The following ECPAS variants were observed in gnomAD, a reference collection of about 807,000 sequenced individuals.
ECPAS encodes the protein proteasome adapter and scaffold protein ECM29.
A neutral mutation model predicts 255.1 loss-of-function variants in ECPAS; 70 were observed. The ratio of observed to expected loss-of-function variants is 0.27; its 90% confidence interval spans 0.23 to 0.33. The LOEUF (loss-of-function observed/expected upper bound fraction) is 0.33, where lower values mean the gene tolerates loss of function less well. Ranked by LOEUF, ECPAS falls within the 10% of genes least tolerant of loss-of-function variation. ECPAS has a pLI of 1.00. For synonymous variants in ECPAS, 784 were observed against 775.0 expected (o/e 1.01, Z -0.19); for missense variants, 1,817 against 2,206.4 (o/e 0.82, Z 3.54).
intron 15 of ECPAS, among the ~76,000 whole-genome samples, chr9:111,420,917 T>C (rs2098212564): frequency 6.6e-6 from 1 of 152,214 alleles, no homozygotes; most frequent in Non-Finnish European, 1.5e-5. Flanking sequence ...GCTTTAAATG[T>C]TGTCTGTGAA....
At chr9:111,373,475 C>A in intron 39 of ECPAS, 69 bp from the exon 40 acceptor site, 1 of 1,248,898 alleles carries the variant, frequency 8.0e-7, no homozygotes, top group South Asian at 1.3e-5. Context: ...TCCCAGAACC[C>A]AAACAAACCT....
At chr9:111,421,331 C>G (rs2098213336) in intron 15 of ECPAS, among the ~76,000 whole-genome samples, 1 of 151,918 alleles carries the variant, frequency 6.6e-6, no homozygotes, top group South Asian at 2.1e-4. Flanking sequence ...ATCATTCTGT[C>G]TTCCAATCTC....
intron 1 of ECPAS, among the ~76,000 whole-genome samples, chr9:111,482,812 G>A (rs1239895696): frequency 2.6e-5 from 4 of 151,872 alleles, no homozygotes. Flanking sequence ...AAGCATTGAG[G>A]CGAACCCCGG....
chr9:111,455,921 C>T (rs2098266390), intron 2 of ECPAS, among the ~76,000 whole-genome samples: 1 of 152,174 alleles, frequency 6.6e-6, no homozygotes, highest in African/African-American at 2.4e-5. Flanking sequence ...GCTGGGAGTA[C>T]AAATATATGC....
chr9:111,395,868 T>C (rs1471177541), intron 25 of ECPAS, among the ~76,000 whole-genome samples: 2 of 152,208 alleles, frequency 1.3e-5, no homozygotes, highest in Non-Finnish European at 2.9e-5. Context: ...GCTCCTTGCC[T>C]TGCTTCATGT....
chr9:111,411,930 T>C, intron 21 of ECPAS, 84 bp downstream of exon 21: 1 of 1,228,590 alleles, frequency 8.1e-7, no homozygotes, highest in Non-Finnish European at 1.1e-6. Context: ...ATTTTACAAA[T>C]GAGAACATAA....
chr9:111,371,598 CTGGGTATGAA>C lies in ECPAS; in HGVS notation c.4737+13_4737+22del, dbSNP rs1414068385. 6.3e-7 allele frequency: 1 copy of C among 1,593,190 alleles called. No homozygotes were observed. The highest frequency in any genetic ancestry group is 1.7e-5 in the Admixed American group (1 of 59,668). ...AAAGATGAAGTCAGAATCCCTTTAA[CTGGGTATGAA>C]TGGTTCCTTTACCTTTCCTGCCCAC... On this transcript the variant is annotated intron_variant, in intron 43 of 49. Transcript: ENST00000684092.
Position 111,383,213 on chromosome 9 carries a change from G to C in ECPAS, c.3801C>G (p.Leu1267=). 1 of 1,613,774 alleles carries C rather than the reference G, an allele frequency of 6.2e-7. No homozygotes were observed. Among genetic ancestry groups the C allele is most frequent in the Non-Finnish European group, 8.5e-7 (1 of 1,179,792 alleles). Residue 1267 remains leucine (L), a splice_region_variant and synonymous_variant, in exon 35 of 50, where the codon CTC becomes CTG. Transcript: ENST00000684092. ...TCATTTCATCAACGGATGCACACCT[G>C]AGGGCTCGAACTTCCGTCACGGTGC... ...MMSTVTEVRA[L]SINTLVKISK...
intron 1 of ECPAS, among the ~76,000 whole-genome samples, chr9:111,482,350 A>T (rs905881144): frequency 2.6e-5 from 4 of 152,220 alleles, no homozygotes; most frequent in African/African-American, 9.6e-5. Flanking sequence ...CAAGGAACTT[A>T]ATCTCTCCAA....
chr9:111,424,890 C>G (rs1046645674), intron 12 of ECPAS, among the ~76,000 whole-genome samples: 2 of 152,148 alleles, frequency 1.3e-5, no homozygotes, highest in African/African-American at 4.8e-5. Flanking sequence ...ATACAGCAGG[C>G]TGGGCATGGT....
At chr9:111,399,353 A>G (rs927185734) in intron 24 of ECPAS, among the ~76,000 whole-genome samples, 7 of 152,218 alleles carry the variant, frequency 4.6e-5, no homozygotes, top group African/African-American at 1.4e-4. Context: ...CTGACTGAAT[A>G]GAGTGGGAAG....
intron 2 of ECPAS, among the ~76,000 whole-genome samples, chr9:111,460,989 TACTA>T (rs1327832469): frequency 5.3e-5 from 8 of 151,622 alleles, no homozygotes; most frequent in Admixed American, 3.3e-4. Flanking sequence ...CACAGGAAGA[TACTA>T]ACTATCTCAA....
intron 46 of ECPAS, 99 bp from the exon 47 acceptor site, chr9:111,366,726 G>A: frequency 1.3e-6 from 1 of 742,418 alleles, no homozygotes; most frequent in East Asian, 2.7e-5. Context: ...GAGAAAGGAA[G>A]AGGGAAAGAG....
rs547485740 is a variant in ECPAS at position 111,362,172 on chromosome 9, G to A, written c.5381-3C>T. ...CAAACATTCCCACTGTTTAGATTCT[G>A]CATGAAAAAAAAAAAACAAAAACAA... is the stretch of plus-strand genomic sequence containing the variant. On this transcript the variant is annotated splice_polypyrimidine_tract_variant and splice_region_variant and intron_variant, in intron 49 of 49. Coordinates refer to ENST00000684092, the MANE Select transcript of ECPAS (RefSeq NM_001364929.1). The A allele has an allele frequency of 1.0e-4, 149 of 1,473,184 alleles. 2 individuals carry two copies. The East Asian group carries it at 3.0e-3, about 30-fold the overall frequency. 91.3% of individuals were successfully genotyped at this position (1,473,184 alleles called of 1,614,324 possible). A position where few individuals can be genotyped will look rare whatever the true frequency, so the allele number is the denominator to read the frequency against.
At chr9:111,378,863 G>T in intron 35 of ECPAS, 133 bp from the exon 36 acceptor site, 1 of 823,654 alleles carries the variant, frequency 1.2e-6, no homozygotes, top group Non-Finnish European at 1.7e-6. Flanking sequence ...CCTGGTCTGG[G>T]CATTACTTTT....
At chr9:111,459,792 C>T (rs935426782) in intron 2 of ECPAS, among the ~76,000 whole-genome samples, 1 of 152,110 alleles carries the variant, frequency 6.6e-6, no homozygotes, top group South Asian at 2.1e-4. Context: ...TAAATTACCA[C>T]AAATATGAAC....
At chr9:111,466,397 A>C (rs532040058) in intron 2 of ECPAS, among the ~76,000 whole-genome samples, 1 of 152,142 alleles carries the variant, frequency 6.6e-6, no homozygotes, top group African/African-American at 2.4e-5. Flanking sequence ...GTGAGCCATG[A>C]TGGCGCCATT....
chr9:111,390,393 C>A (rs1482852577), intron 29 of ECPAS, among the ~76,000 whole-genome samples: 3 of 152,168 alleles, frequency 2.0e-5, no homozygotes, highest in Non-Finnish European at 4.4e-5. Flanking sequence ...CTCAATAATT[C>A]TTCATTATGT....
At chr9:111,385,504 T>C (rs2098146836) in intron 32 of ECPAS, 62 bp from the exon 33 acceptor site, 2 of 919,924 alleles carry the variant, frequency 2.2e-6, no homozygotes, top group South Asian at 1.6e-5. Context: ...CTATGAAACA[T>C]TTATACTAAA....
Sources: gnomAD v4.1 joint callset for allele counts (sites outside exome capture counted in the v4.1 genomes callset) on GRCh38, gnomAD v4.1.1 for gene constraint, MANE v1.5 for transcripts, NCBI Gene and HGNC (gene_info 2026-07-23, HGNC 2026-07-21) for gene names.